HMBOX1: variants seen among roughly 807,000 people sequenced by gnomAD.
HMBOX1 encodes the protein homeobox-containing protein 1.
Under a neutral mutation model 54.5 loss-of-function variants are expected in HMBOX1, and 14 were observed. The ratio of observed to expected loss-of-function variants is 0.26; its 90% CI spans 0.17 to 0.40. HMBOX1 has a LOEUF of 0.40. Ranked by LOEUF, HMBOX1 falls within the 10% of genes least tolerant of loss-of-function variation. HMBOX1 has a pLI of 1.00. For missense variants in HMBOX1, 332 were observed against 514.4 expected, an observed-to-expected ratio of 0.65 and a Z score of 3.43; for synonymous variants, 160 against 181.0, an observed-to-expected ratio of 0.88 and a Z score of 0.93.
intron 6 of HMBOX1, among the ~76,000 whole-genome samples, chr8:29,037,243 A>C (rs1804042664): frequency 6.6e-6 from 1 of 152,214 alleles, no homozygotes; most frequent in Non-Finnish European, 1.5e-5. Context: ...TTAGTAAAGA[A>C]CATCTTTTGT....
intron 5 of HMBOX1, among the ~76,000 whole-genome samples, chr8:29,010,488 A>T (rs947292007): frequency 6.6e-6 from 1 of 152,114 alleles, no homozygotes; most frequent in African/African-American, 2.4e-5. Flanking sequence ...CTCGGGAGAC[A>T]GAGGTTGCAG....
At chr8:29,041,319 A>C (rs569941097) in intron 6 of HMBOX1, among the ~76,000 whole-genome samples, 8 of 152,298 alleles carry the variant, frequency 5.3e-5, no homozygotes, top group African/African-American at 1.9e-4. Context: ...CGTATCCTTC[A>C]AGATCCGTTT....
intron 1 of HMBOX1, chr8:28,891,166 C>G (rs183389546): frequency 6.5e-6 from 1 of 152,682 alleles, no homozygotes; most frequent in Non-Finnish European, 1.5e-5. Flanking sequence ...GAGGGGCGGG[C>G]GTGAGGTCCT....
chr8:28,996,728 T>C (rs1831916789), intron 4 of HMBOX1, among the ~76,000 whole-genome samples: 1 of 152,246 alleles, frequency 6.6e-6, no homozygotes, highest in African/African-American at 2.4e-5. Flanking sequence ...GAGAGTTTTA[T>C]ACTTTTAGCT....
chr8:28,896,156 G>T (rs1293034389), intron 1 of HMBOX1, among the ~76,000 whole-genome samples: 1 of 152,188 alleles, frequency 6.6e-6, no homozygotes, highest in African/African-American at 2.4e-5. Context: ...GATAAAAATA[G>T]TACCTACTTC....
chr8:28,940,027 AT>A (rs1326229622), intron 1 of HMBOX1, among the ~76,000 whole-genome samples: 8 of 151,268 alleles, frequency 5.3e-5, no homozygotes, highest in African/African-American at 1.9e-4. Context: ...ATTGTTTTAG[AT>A]TTTTTTTGTA....
At chr8:28,929,919 AC>A (rs1437796079) in intron 1 of HMBOX1, among the ~76,000 whole-genome samples, 1 of 150,992 alleles carries the variant, frequency 6.6e-6, no homozygotes, top group African/African-American at 2.4e-5. Flanking sequence ...AACGTTTCTA[AC>A]ACCCCGCCCC....
intron 1 of HMBOX1, among the ~76,000 whole-genome samples, chr8:28,923,514 A>G (rs758609106): frequency 1.3e-5 from 2 of 152,232 alleles, no homozygotes; most frequent in Admixed American, 6.5e-5. Flanking sequence ...ATATGTACCA[A>G]TACTTTTTTC....
At chr8:28,930,125 G>T (rs941769335) in intron 1 of HMBOX1, among the ~76,000 whole-genome samples, 5 of 152,138 alleles carry the variant, frequency 3.3e-5, no homozygotes, top group Admixed American at 2.6e-4. Flanking sequence ...CTAGAAACTG[G>T]ATGTGCTGCT....
intron 3 of HMBOX1, among the ~76,000 whole-genome samples, chr8:28,974,581 T>C (rs1021706194): frequency 1.3e-5 from 2 of 152,216 alleles, no homozygotes; most frequent in African/African-American, 4.8e-5. Flanking sequence ...TGATTATCTA[T>C]AGGCTAAGTA....
At chr8:29,013,004 G>A (rs1185659952) in intron 5 of HMBOX1, among the ~76,000 whole-genome samples, 2 of 152,146 alleles carry the variant, frequency 1.3e-5, no homozygotes, top group African/African-American at 2.4e-5. Flanking sequence ...ATTAAGAAAA[G>A]TCACAAAATG....
At chr8:28,957,670 T>C (rs1824723348) in intron 1 of HMBOX1, among the ~76,000 whole-genome samples, 1 of 152,246 alleles carries the variant, frequency 6.6e-6, no homozygotes, top group Non-Finnish European at 1.5e-5. Context: ...CCGCCCAGGC[T>C]GGAGTGCAGT....
At chr8:28,942,811 C>T (rs1455295344) in intron 1 of HMBOX1, among the ~76,000 whole-genome samples, 2 of 152,114 alleles carry the variant, frequency 1.3e-5, no homozygotes, top group African/African-American at 4.8e-5. Context: ...AATAATACTG[C>T]AAAGAATAAT....
chr8:28,967,981 A>C (rs1204279150), intron 2 of HMBOX1, among the ~76,000 whole-genome samples: 1 of 152,202 alleles, frequency 6.6e-6, no homozygotes, highest in Admixed American at 6.5e-5. Context: ...AAAAACCAGG[A>C]AGATTTCATC....
At chr8:29,005,703 T>C (rs1434020369) in intron 4 of HMBOX1, among the ~76,000 whole-genome samples, 1 of 152,192 alleles carries the variant, frequency 6.6e-6, no homozygotes, top group Non-Finnish European at 1.5e-5. Context: ...ACATAAACTT[T>C]CCTCATTCTA....
chr8:28,976,240 AAAT>A (rs1828344206), intron 3 of HMBOX1, among the ~76,000 whole-genome samples: 1 of 152,208 alleles, frequency 6.6e-6, no homozygotes, highest in Admixed American at 6.5e-5. Context: ...AAGTTTCATA[AAAT>A]AATAGTCAAT....
chr8:29,022,070 A>G (rs1801274388), intron 6 of HMBOX1, among the ~76,000 whole-genome samples: 1 of 152,222 alleles, frequency 6.6e-6, no homozygotes, highest in Non-Finnish European at 1.5e-5. Context: ...GAATTCGGCA[A>G]TATCAAGGAA....
At chr8:28,996,337 T>C (rs1010373399) in intron 4 of HMBOX1, among the ~76,000 whole-genome samples, 1 of 152,220 alleles carries the variant, frequency 6.6e-6, no homozygotes, top group African/African-American at 2.4e-5. Flanking sequence ...CGTGAACTTA[T>C]ATCTGATAAA....
chr8:29,012,782 A>T (rs1834380338), intron 5 of HMBOX1, among the ~76,000 whole-genome samples: 1 of 152,224 alleles, frequency 6.6e-6, no homozygotes, highest in Non-Finnish European at 1.5e-5. Flanking sequence ...CTGCCTTGTA[A>T]GATTAAAAAG....
Sources: allele counts gnomAD v4.1 joint callset (sites outside exome capture counted in the v4.1 genomes callset), GRCh38; gene constraint gnomAD v4.1.1; transcripts MANE v1.5; gene names NCBI Gene and HGNC (gene_info 2026-07-23, HGNC 2026-07-21).